Variants in HGD observed in about 807,000 individuals in gnomAD.
HGD encodes the protein homogentisate oxidase.
A neutral mutation model predicts 60.8 loss-of-function variants in HGD; 61 were observed. The observed-to-expected ratio is 1.00, with a 90% CI of 0.82 to 1.24. The LOEUF (loss-of-function observed/expected upper bound fraction) is 1.24, where lower values mean the gene tolerates loss of function less well. HGD is among the 50% of genes most tolerant of loss of function. The pLI is 0.00. For synonymous variants in HGD, 212 were observed against 187.7 expected, an observed-to-expected ratio of 1.13 and a Z score of -1.06; for missense variants, 542 against 547.1, an observed-to-expected ratio of 0.99 and a Z score of 0.09.
At position 120,652,580 on chromosome 3, in the gene HGD, G is replaced by C. The variant is rs780302759; in HGVS notation, c.342+12C>G. On this transcript the variant is annotated intron_variant, in intron 5 of 13. Transcript: ENST00000283871. ...GAGAGCAGTAGGGAGGGTGTGGATG[G>C]GACTGACTTACACTCACAAAGTCTA... 2 of 1,601,716 alleles carry C rather than the reference G, an allele frequency of 1.2e-6. No homozygotes were observed. Among genetic ancestry groups the C allele is most frequent in the South Asian group, 2.2e-5 (2 of 90,812 alleles).
intron 13 of HGD, among the ~76,000 whole-genome samples, chr3:120,630,023 A>G (rs1232604237): frequency 1.3e-5 from 2 of 152,142 alleles, no homozygotes; most frequent in Non-Finnish European, 2.9e-5. Flanking sequence ...TCCCATTCAC[A>G]ACTGCCACAA....
At chr3:120,671,440 T>C (rs1436720306) in intron 3 of HGD, among the ~76,000 whole-genome samples, 1 of 152,196 alleles carries the variant, frequency 6.6e-6, no homozygotes, top group Admixed American at 6.6e-5. Context: ...AGAAGTCCTT[T>C]ATCATTTTCT....
intron 11 of HGD, among the ~76,000 whole-genome samples, chr3:120,639,823 T>A (rs978658203): frequency 1.3e-5 from 2 of 152,130 alleles, no homozygotes; most frequent in African/African-American, 4.8e-5. Flanking sequence ...GTCTTCATAG[T>A]GGTAGTGTAG....
intron 1 of HGD, among the ~76,000 whole-genome samples, chr3:120,677,374 A>C (rs1464123690): frequency 1.3e-5 from 2 of 152,162 alleles, no homozygotes; most frequent in Non-Finnish European, 2.9e-5. Context: ...TGAGAAAGAG[A>C]ATACGAGCCA....
chr3:120,672,049 C>T (rs1367566349), intron 3 of HGD, among the ~76,000 whole-genome samples: 1 of 152,030 alleles, frequency 6.6e-6, no homozygotes, highest in Non-Finnish European at 1.5e-5. Flanking sequence ...GGGCTTAATA[C>T]TTAGGTGATA....
At chr3:120,628,681 G>A in intron 13 of HGD, 152 bp from the exon 14 acceptor site, 1 of 917,468 alleles carries the variant, frequency 1.1e-6, no homozygotes, top group Non-Finnish European at 1.7e-6. Flanking sequence ...GCAGGCTCAA[G>A]CCCTGAGTTG....
intron 11 of HGD, 46 bp downstream of exon 11, chr3:120,641,543 C>T (rs1029421724): frequency 2.1e-5 from 26 of 1,213,016 alleles, no homozygotes; most frequent in Non-Finnish European, 3.2e-5. Context: ...ACCCCTCCCA[C>T]CCAAGCGTTG....
At chr3:120,649,798 T>TTGGCA (rs747490135) in intron 6 of HGD, among the ~76,000 whole-genome samples, 1 of 152,128 alleles carries the variant, frequency 6.6e-6, no homozygotes, top group Non-Finnish European at 1.5e-5. Context: ...AGCTGATCAC[T>TTGGCA]TGGCATTTTG....
chr3:120,638,066 C>G lies in HGD; in HGVS notation c.1006+389G>C, dbSNP rs535489472. 1.1e-3 allele frequency among the ~76,000 whole-genome samples: 174 copies of G among 152,284 alleles called. 1 individual carries two copies. Among genetic ancestry groups the G allele is most frequent in the Admixed American group, 7.5e-3 (115 of 15,298 alleles). On this transcript the variant is annotated intron_variant, in intron 12 of 13. Transcript: ENST00000283871. ...GTTCAAAAGAAGCTGGGACTTCCTC[C>G]TTTCTCTTGCTTGCTCTCATCATGT...
At chr3:120,661,750 G>C (rs1396427678) in intron 4 of HGD, among the ~76,000 whole-genome samples, 1 of 152,224 alleles carries the variant, frequency 6.6e-6, no homozygotes, top group African/African-American at 2.4e-5. Flanking sequence ...CTGTCCAAAA[G>C]GGCTGAGCAG....
intron 4 of HGD, among the ~76,000 whole-genome samples, chr3:120,669,267 CA>C (rs541407522): frequency 3.6e-4 from 52 of 146,248 alleles, no homozygotes; most frequent in South Asian, 4.3e-4. Context: ...AGATTAAAAA[CA>C]AAAAAAAAAC....
chr3:120,651,952 C>A (rs572044670), intron 5 of HGD, among the ~76,000 whole-genome samples: 1 of 152,280 alleles, frequency 6.6e-6, no homozygotes, highest in East Asian at 1.9e-4. Context: ...TGAAATTTAT[C>A]ATTTCTTTCA....
At chr3:120,662,682 A>T (rs1296451543) in intron 4 of HGD, among the ~76,000 whole-genome samples, 1 of 152,174 alleles carries the variant, frequency 6.6e-6, no homozygotes, top group Non-Finnish European at 1.5e-5. Flanking sequence ...CCACTTGATT[A>T]TTTCTTATCA....
chr3:120,641,451 C>T, intron 11 of HGD, 138 bp downstream of exon 11: 1 of 711,728 alleles, frequency 1.4e-6, no homozygotes, highest in Non-Finnish European at 2.6e-6. Flanking sequence ...ACTCCCTCAC[C>T]AAAGGACAAA....
rs767326317 is a variant in HGD, at chr3:120,670,549, A to G, written c.177-17T>C. On this transcript the variant is annotated splice_polypyrimidine_tract_variant and intron_variant, in intron 3 of 13. Coordinates refer to ENST00000283871, the MANE Select transcript of HGD (RefSeq NM_000187.4). ...TACAGCCAGCTAGAGGGAAAAACAT[A>G]CAAGATATACAAGCCTTAGAGTAAT... 7 of 1,296,692 alleles carry G rather than the reference A, an allele frequency of 5.4e-6. No homozygotes were observed. The highest frequency in any genetic ancestry group is 7.9e-6 in the Non-Finnish European group (7 of 890,416). 80.3% of individuals were successfully genotyped at this position (1,296,692 alleles called of 1,614,324 possible).
chr3:120,633,704 C>T, intron 12 of HGD: 1 of 795,708 alleles, frequency 1.3e-6, no homozygotes, highest in Non-Finnish European at 1.8e-6. Flanking sequence ...GTTATCTTAT[C>T]TCCCAGATCA....
intron 4 of HGD, among the ~76,000 whole-genome samples, chr3:120,657,233 T>C (rs974542310): frequency 5.3e-5 from 8 of 152,252 alleles, no homozygotes; most frequent in Non-Finnish European, 1.0e-4. Flanking sequence ...TGAAAGCATC[T>C]TTAAGGGTGT....
chr3:120,665,341 A>G (rs868517672), intron 4 of HGD, among the ~76,000 whole-genome samples: 7 of 152,256 alleles, frequency 4.6e-5, no homozygotes, highest in African/African-American at 1.4e-4. Flanking sequence ...TGAGTCAAGA[A>G]TCTGATTTTT....
chr3:120,679,510 C>G (rs1228421062), intron 1 of HGD, among the ~76,000 whole-genome samples: 1 of 152,066 alleles, frequency 6.6e-6, no homozygotes, highest in Non-Finnish European at 1.5e-5. Flanking sequence ...ACCCCTGAAA[C>G]CTGTGAGTAT....
Sources: gnomAD v4.1 joint callset for allele counts (sites outside exome capture counted in the v4.1 genomes callset) on GRCh38, gnomAD v4.1.1 for gene constraint, MANE v1.5 for transcripts, NCBI Gene and HGNC (gene_info 2026-07-23, HGNC 2026-07-21) for gene names.